The following AFMID variants were observed in gnomAD, a reference collection of about 807,000 sequenced individuals.
The protein encoded by AFMID is kynurenine formamidase.
AFMID carries 39 observed loss-of-function variants against 47.5 expected under a neutral mutation model. That is an observed-to-expected ratio of 0.82 (90% CI 0.64 to 1.07). AFMID has a LOEUF of 1.07. AFMID is among the 50% of genes least tolerant of loss of function. The probability of loss-of-function intolerance (pLI) is 0.00; values close to 1 mark genes in which losing one functional copy is unlikely to be tolerated. For missense variants in AFMID, 375 were observed against 387.5 expected (o/e 0.97, Z 0.27); for synonymous variants, 130 against 153.2 (o/e 0.85, Z 1.12).
At position 78,207,052 on chromosome 17, in the gene AFMID, T is replaced by G; in HGVS notation, c.*115T>G. 1 of 1,135,350 alleles carries G rather than the reference T, an allele frequency of 8.8e-7. No individual in the cohort carries two copies. The highest frequency in any genetic ancestry group is 1.2e-5 in the South Asian group (1 of 80,928). The allele number at this position is 1,135,350 out of a possible 1,614,324, so 70.3% of individuals were successfully genotyped here. ...TTTCCCCCAGCACCCAGGAGAGCCT[T>G]GCTGTGTCTGTCTGCCCGGCAAGAG... On this transcript the variant is annotated 3_prime_UTR_variant, in exon 11 of 11. Coordinates refer to ENST00000409257, the MANE Select transcript of AFMID (RefSeq NM_001010982.5).
Position 78,202,735 on chromosome 17 carries a change from T to C in AFMID, c.292T>C (p.Tyr98His), listed in dbSNP as rs1440150019. 3 of 1,558,808 alleles carry C rather than the reference T, an allele frequency of 1.9e-6. No homozygotes were observed. The African/African-American group carries it at 4.1e-5, about 21-fold the overall frequency. The change falls in exon 4 of 11, where the codon TAC (tyrosine) becomes CAC (histidine). Residue 98 changes from tyrosine to histidine, a missense_variant. By Grantham distance (83) the Tyr-to-His change is moderately conservative. Transcript: ENST00000409257. ...LPFFLFFHGGYWQSGSKDESA... is the reference protein window; with the variant it reads ...LPFFLFFHGGHWQSGSKDESA... ...TTTCTTCCTGTTCTTTCACGGAGGA[T>C]ACTGGCAGAGCGGAAGGTGAGTCGG...
At chr17:78,199,567 G>A (rs1453823291) in intron 2 of AFMID, among the ~76,000 whole-genome samples, 1 of 152,000 alleles carries the variant, frequency 6.6e-6, no homozygotes, top group African/African-American at 2.4e-5. Flanking sequence ...TAGAGATGGG[G>A]TTTCACCATA....
rs1337035592 is a variant in AFMID, at chr17:78,193,973, C to CT, written c.154+2914dup. Among the ~76,000 whole-genome samples the CT allele has an allele frequency of 1.3e-3, 152 of 114,368 alleles. 3 individuals are homozygous for CT. In the South Asian group the frequency reaches 0.035, roughly 26 times the overall value. 75.0% of individuals were successfully genotyped at this position (114,368 alleles called of 152,430 possible). A position where few individuals can be genotyped will look rare whatever the true frequency, so the allele number is the denominator to read the frequency against. Reference sequence around the variant, plus strand: ...CCTGGGCGACAGAGCGAGACTCCATCTCAAAAAAAAAAAAAAAAATTTAAA... The same window carrying CT: ...CCTGGGCGACAGAGCGAGACTCCATCTTCAAAAAAAAAAAAAAAAATTTAAA... On this transcript the variant is annotated intron_variant, in intron 2 of 10. Coordinates refer to ENST00000409257, the MANE Select transcript of AFMID (RefSeq NM_001010982.5).
At chr17:78,199,484 C>T (rs2076195014) in intron 2 of AFMID, among the ~76,000 whole-genome samples, 1 of 151,860 alleles carries the variant, frequency 6.6e-6, no homozygotes, top group Non-Finnish European at 1.5e-5. Flanking sequence ...AAGCAATTCT[C>T]CTTCCTCAGC....
At chr17:78,191,909 A>T (rs770223450) in intron 2 of AFMID, among the ~76,000 whole-genome samples, 2 of 151,984 alleles carry the variant, frequency 1.3e-5, no homozygotes, top group Non-Finnish European at 2.9e-5. Flanking sequence ...GATGGTCTCC[A>T]TCTCTTGACC....
intron 1 of AFMID, among the ~76,000 whole-genome samples, chr17:78,187,659 AC>A (rs2075831997): frequency 2.0e-5 from 3 of 152,040 alleles, no homozygotes; most frequent in Admixed American, 1.3e-4. Flanking sequence ...TGAAGTCCTG[AC>A]TATGCTAATA....
chr17:78,200,419 C>T (rs903524461), intron 2 of AFMID, among the ~76,000 whole-genome samples: 3 of 152,158 alleles, frequency 2.0e-5, no homozygotes, highest in African/African-American at 4.8e-5. Flanking sequence ...CTCCCTGTAA[C>T]CAGCTGGGAT....
At chr17:78,201,946 G>A (rs1018200683) in intron 2 of AFMID, among the ~76,000 whole-genome samples, 10 of 151,622 alleles carry the variant, frequency 6.6e-5, no homozygotes, top group African/African-American at 2.4e-4. Flanking sequence ...TAGCCAGGGT[G>A]GTCTCGATCT....
chr17:78,202,872 C>G, intron 4 of AFMID, 121 bp downstream of exon 4: 6 of 1,201,932 alleles, frequency 5.0e-6, no homozygotes, highest in South Asian at 1.3e-5. Flanking sequence ...AGGGCTGTGT[C>G]TCACAGCGCT....
intron 2 of AFMID, among the ~76,000 whole-genome samples, chr17:78,199,665 G>A (rs112959912): frequency 0.046 from 5,746 of 125,634 alleles, 144 homozygotes; most frequent in Non-Finnish European, 0.057. Flanking sequence ...GCGCCGCCGC[G>A]CCCGGCCAGG....
chr17:78,194,710 T>TA (rs2076063167), intron 2 of AFMID, among the ~76,000 whole-genome samples: 1 of 152,118 alleles, frequency 6.6e-6, no homozygotes, highest in South Asian at 2.1e-4. Flanking sequence ...TTTTTTTTTT[T>TA]AAGACGGAGT....
At chr17:78,200,530 C>T (rs552847751) in intron 2 of AFMID, among the ~76,000 whole-genome samples, 1 of 152,266 alleles carries the variant, frequency 6.6e-6, no homozygotes, top group African/African-American at 2.4e-5. Context: ...CCCTAAATGC[C>T]ATTGACTGCT....
At chr17:78,191,670 C>CAA (rs113967464) in intron 2 of AFMID, among the ~76,000 whole-genome samples, 17 of 128,850 alleles carry the variant, frequency 1.3e-4, no homozygotes, top group African/African-American at 3.4e-4. Context: ...GACCCTGTCT[C>CAA]AAAAAAAAAA....
At chr17:78,203,752 G>C (rs921647205) in intron 4 of AFMID, 1 of 152,062 alleles carries the variant, frequency 6.6e-6, no homozygotes, top group Non-Finnish European at 1.5e-5. Flanking sequence ...GGCCAGGTAC[G>C]GTGGCTCACG....
At chr17:78,192,757 G>A (rs1231592111) in intron 2 of AFMID, 11 of 422,124 alleles carry the variant, frequency 2.6e-5, no homozygotes, top group South Asian at 3.4e-5. Flanking sequence ...GTGCTGGGAT[G>A]GGGAGCAGGC....
Position 78,204,693 on chromosome 17 carries a change from G to A in AFMID, c.346G>A (p.Ala116Thr). The A allele has an allele frequency of 6.2e-7, 1 of 1,614,204 alleles. No homozygotes were observed. ...TGCCTTCATGGTCCACCCGCTGACGGCACAGGGAGTGGCCGTGGTAATAGT... is the reference window on the plus strand; with the variant it reads ...TGCCTTCATGGTCCACCCGCTGACGACACAGGGAGTGGCCGTGGTAATAGT... ...ESAFMVHPLT[A>T]QGVAVVIVAY... The change falls in exon 5 of 11, where the codon GCA (alanine) becomes ACA (threonine). Residue 116 changes from alanine to threonine, a missense_variant. By Grantham distance (58) the Ala-to-Thr change is moderately conservative. Transcript: ENST00000409257.
At position 78,202,727 on chromosome 17, in the gene AFMID, A is replaced by G; in HGVS notation, c.284A>G (p.His95Arg). ...SEALPFFLFF[H>R]GGYWQSGSKD... The stretch of plus-strand genomic sequence containing the variant: ...GCCTTGCCTTTCTTCCTGTTCTTTC[A>G]CGGAGGATACTGGCAGAGCGGAAGG... Residue 95 changes from histidine to arginine, a missense_variant, in exon 4 of 11, where the codon CAC (histidine) becomes CGC (arginine). Transcript: ENST00000409257. The G allele has an allele frequency of 6.4e-7, 1 of 1,559,078 alleles. No homozygotes were observed. The highest frequency in any genetic ancestry group is 1.2e-5 in the South Asian group (1 of 84,662).
chr17:78,196,324 C>G (rs1252731025), intron 2 of AFMID, among the ~76,000 whole-genome samples: 1 of 152,070 alleles, frequency 6.6e-6, no homozygotes, highest in Non-Finnish European at 1.5e-5. Context: ...AAGATTGCAC[C>G]ACTGCACTCT....
Position 78,197,156 on chromosome 17 carries a change from T to G in AFMID, c.155-5343T>G, listed in dbSNP as rs951288396. 5.2e-6 allele frequency: 8 copies of G among 1,550,316 alleles called. No homozygotes were observed. The African/African-American group carries it at 1.1e-4, about 21-fold the overall frequency. On this transcript the variant is annotated intron_variant, in intron 2 of 10. Coordinates refer to ENST00000409257, the MANE Select transcript of AFMID (RefSeq NM_001010982.5). ...CTAGTCCATTTATAGGCTTGAGAAC[T>G]CCTGTGTGAATTAAATCACGACCTT... is the stretch of plus-strand genomic sequence containing the variant.
Sources: allele counts gnomAD v4.1 joint callset (sites outside exome capture counted in the v4.1 genomes callset), GRCh38; gene constraint gnomAD v4.1.1; transcripts MANE v1.5; gene names NCBI Gene and HGNC (gene_info 2026-07-23, HGNC 2026-07-21).